The following PKNOX2 variants were observed in gnomAD, a reference collection of about 807,000 sequenced individuals.
The protein encoded by PKNOX2 is PBX/knotted 1 homeobox 2.
A neutral mutation model predicts 53.1 loss-of-function variants in PKNOX2; 14 were observed. That is an observed-to-expected ratio of 0.26 (90% CI 0.17 to 0.41). The LOEUF (loss-of-function observed/expected upper bound fraction) is 0.41. PKNOX2 is among the 10% of genes least tolerant of loss of function. The probability of loss-of-function intolerance (pLI) is 1.00; values close to 1 mark genes in which losing one functional copy is unlikely to be tolerated. For synonymous variants in PKNOX2, 257 were observed against 242.8 expected (o/e 1.06, Z -0.54); for missense variants, 496 against 602.8 (o/e 0.82, Z 1.85).
chr11:125,332,146 C>T (rs1204373317), intron 3 of PKNOX2, among the ~76,000 whole-genome samples: 1 of 152,158 alleles, frequency 6.6e-6, no homozygotes, highest in Non-Finnish European at 1.5e-5. Flanking sequence ...TTCATCTATT[C>T]TGTGAACAAT....
chr11:125,382,345 A>G (rs1953304594), intron 5 of PKNOX2, among the ~76,000 whole-genome samples: 1 of 152,226 alleles, frequency 6.6e-6, no homozygotes, highest in African/African-American at 2.4e-5. Flanking sequence ...ACAAGCACAC[A>G]CACACTTTGT....
chr11:125,345,684 C>T (rs1950932694), intron 3 of PKNOX2, among the ~76,000 whole-genome samples: 1 of 152,196 alleles, frequency 6.6e-6, no homozygotes, highest in East Asian at 1.9e-4. Context: ...ACCTAGCCAA[C>T]TCCGTTCTAC....
intron 2 of PKNOX2, among the ~76,000 whole-genome samples, chr11:125,280,072 T>A (rs1946445969): frequency 6.6e-6 from 1 of 150,644 alleles, no homozygotes; most frequent in South Asian, 2.1e-4. Flanking sequence ...ACAGAAAAAA[T>A]TTTAAGTCCC....
chr11:125,421,833 C>G (rs553479649), intron 10 of PKNOX2, among the ~76,000 whole-genome samples: 6 of 152,338 alleles, frequency 3.9e-5, no homozygotes, highest in Non-Finnish European at 5.9e-5. Context: ...CTCTGCAAAC[C>G]ACATCCGGGG....
intron 3 of PKNOX2, among the ~76,000 whole-genome samples, chr11:125,349,698 G>A (rs544598620): frequency 1.3e-5 from 2 of 152,276 alleles, no homozygotes; most frequent in East Asian, 3.9e-4. Context: ...CACAGAGTTG[G>A]TGGTTGGTAG....
intron 2 of PKNOX2, among the ~76,000 whole-genome samples, chr11:125,314,758 CAA>C (rs1187822179): frequency 6.6e-6 from 1 of 152,124 alleles, no homozygotes; most frequent in Non-Finnish European, 1.5e-5. Context: ...CCCGAGAGGA[CAA>C]AAAACCTGGC....
Position 125,184,631 on chromosome 11 carries a change from G to A in PKNOX2, c.-201+19855G>A, listed in dbSNP as rs149428196. On this transcript the variant is annotated intron_variant, in intron 1 of 12. Coordinates refer to ENST00000298282, the MANE Select transcript of PKNOX2 (RefSeq NM_001382323.2). ...AGGGGAGCATAGCCTGCAGTGCTGG[G>A]CTCCTTGCTGGGTAGAGGCTGGAGC... Among the ~76,000 whole-genome samples, 414 of 152,318 alleles carry A rather than the reference G, an allele frequency of 2.7e-3. 2 individuals are homozygous for A. Among genetic ancestry groups the A allele is most frequent in the Middle Eastern group, 0.017 (5 of 294 alleles).
chr11:125,175,818 T>C (rs73015938), intron 1 of PKNOX2, among the ~76,000 whole-genome samples: 40,994 of 152,022 alleles, frequency 0.27, 5,626 homozygotes, highest in South Asian at 0.31. Flanking sequence ...GTGGGGAAGA[T>C]GGGAAGATTA....
chr11:125,283,947 G>C (rs1946735971), intron 2 of PKNOX2, among the ~76,000 whole-genome samples: 1 of 152,170 alleles, frequency 6.6e-6, no homozygotes, highest in East Asian at 1.9e-4. Flanking sequence ...GCTTGGGAAA[G>C]TGATATAACA....
At chr11:125,266,057 C>T (rs1945315943) in intron 2 of PKNOX2, among the ~76,000 whole-genome samples, 1 of 152,168 alleles carries the variant, frequency 6.6e-6, no homozygotes, top group South Asian at 2.1e-4. Flanking sequence ...TCACTTCACC[C>T]CTATGCACAC....
intron 3 of PKNOX2, among the ~76,000 whole-genome samples, chr11:125,339,117 G>A (rs775926633): frequency 6.6e-6 from 1 of 152,230 alleles, no homozygotes; most frequent in Non-Finnish European, 1.5e-5. Context: ...CCTTTCCAAG[G>A]CTGGAGGTTG....
intron 6 of PKNOX2, among the ~76,000 whole-genome samples, chr11:125,395,246 A>G (rs7102708): frequency 0.21 from 31,320 of 152,158 alleles, 4,053 homozygotes; most frequent in African/African-American, 0.35. Context: ...GGGCATATCA[A>G]TAGCTCATTC....
rs767912616 is a variant in PKNOX2, at chr11:125,410,178, C to T, written c.589-18C>T. On this transcript the variant is annotated intron_variant, in intron 7 of 12. Coordinates refer to ENST00000298282, the MANE Select transcript of PKNOX2 (RefSeq NM_001382323.2). ...CTCTCAGTGTCATTGTCACAAACCA[C>T]GCCTCCCTCACTGCCAGGACCTCCT... is the stretch of plus-strand genomic sequence containing the variant. 32 of 1,612,694 alleles carry T rather than the reference C, an allele frequency of 2.0e-5. No homozygotes were observed. Among genetic ancestry groups the T allele is most frequent in the South Asian group, 4.4e-5 (4 of 90,950 alleles).
chr11:125,431,491 G>A lies in PKNOX2; in HGVS notation c.*99G>A, dbSNP rs956459363. 7.0e-6 allele frequency: 8 copies of A among 1,146,146 alleles called. No individual in the cohort carries two copies. In the South Asian group the frequency reaches 1.1e-4, roughly 16 times the overall value. The allele number at this position is 1,146,146 out of a possible 1,614,324, so 71.0% of individuals were successfully genotyped here. ...AGGGGACATGGGCAGGAAGCACCGA[G>A]GGAGTTGGGCCCTAGCTTCCCCAAA... On this transcript the variant is annotated 3_prime_UTR_variant, in exon 13 of 13. Coordinates refer to ENST00000298282, the MANE Select transcript of PKNOX2 (RefSeq NM_001382323.2).
chr11:125,180,075 G>A (rs1005838446), intron 1 of PKNOX2, among the ~76,000 whole-genome samples: 2 of 152,234 alleles, frequency 1.3e-5, no homozygotes, highest in Middle Eastern at 3.4e-3. Flanking sequence ...AGCCATGCAC[G>A]CTCCTGCCTG....
chr11:125,366,714 A>G (rs750644367), intron 4 of PKNOX2, among the ~76,000 whole-genome samples: 3 of 152,252 alleles, frequency 2.0e-5, no homozygotes, highest in Non-Finnish European at 4.4e-5. Context: ...TGTACCAGCA[A>G]TGCTTGTATT....
At chr11:125,398,913 G>A (rs1472556486) in intron 7 of PKNOX2, among the ~76,000 whole-genome samples, 1 of 152,220 alleles carries the variant, frequency 6.6e-6, no homozygotes, top group East Asian at 1.9e-4. Context: ...AATCAGGCAT[G>A]GGGATGCAGG....
intron 2 of PKNOX2, among the ~76,000 whole-genome samples, chr11:125,311,757 A>G (rs57591497): frequency 0.041 from 6,314 of 152,248 alleles, 423 homozygotes; most frequent in African/African-American, 0.14. Context: ...CCAGCGTCCT[A>G]TCAAAGCCTT....
In PKNOX2 at chr11:125,410,820, G is replaced by A; in HGVS notation, c.760G>A (p.Gly254Ser). ...YQPVTMVTSQ[G>S]QVVTQAIPQG... ...ACCGGTTACCATGGTAACCTCCCAG[G>A]GTCAGGTGGTCACCCAAGCAATCCC... The change falls in exon 9 of 13, where the codon GGT becomes AGT. Residue 254 changes from glycine (G) to serine (S), a missense_variant. Physicochemically the swap from Gly to Ser is moderately conservative, Grantham distance 56 (BLOSUM62 0). Coordinates refer to ENST00000298282, the MANE Select transcript of PKNOX2 (RefSeq NM_001382323.2). The A allele has an allele frequency of 1.2e-6, 2 of 1,614,070 alleles. No individual in the cohort carries two copies. Among genetic ancestry groups the A allele is most frequent in the Non-Finnish European group, 1.7e-6 (2 of 1,180,000 alleles).
Sources: allele counts gnomAD v4.1 joint callset (sites outside exome capture counted in the v4.1 genomes callset), GRCh38; gene constraint gnomAD v4.1.1; transcripts MANE v1.5; gene names NCBI Gene and HGNC (gene_info 2026-07-23, HGNC 2026-07-21).